The following POLI variants were observed in gnomAD, a reference collection of about 807,000 sequenced individuals.
POLI encodes the protein RAD30 homolog B.
Under a neutral mutation model 51.6 loss-of-function variants are expected in POLI, and 58 were observed. That is an observed-to-expected ratio of 1.12 (90% CI 0.91 to 1.40). POLI has a LOEUF of 1.40. Ranked by LOEUF, POLI falls within the 40% of genes most tolerant of loss-of-function variation. The pLI is 0.00. For missense variants in POLI, 921 were observed against 871.3 expected (o/e 1.06, Z -0.72); for synonymous variants, 322 against 299.7 (o/e 1.07, Z -0.77).
At position 54,296,635 on chromosome 18, in the gene POLI, C is replaced by G. The variant is rs2088344288; in HGVS notation, c.*2168C>G. The G allele has an allele frequency of 6.3e-6, 1 of 159,636 alleles. No individual in the cohort carries two copies. Among genetic ancestry groups the G allele is most frequent in the South Asian group, 2.0e-4 (1 of 4,948 alleles). 9.9% of individuals were successfully genotyped at this position (159,636 alleles called of 1,614,324 possible). On this transcript the variant is annotated 3_prime_UTR_variant, in exon 10 of 10. Coordinates refer to ENST00000579534, the MANE Select transcript of POLI (RefSeq NM_007195.3). Reference sequence around the variant, plus strand: ...GACTTTCTTACTGTATCCTTCATGTCTCTTAATTTCTCATATTTTTCATCC... The same window carrying G: ...GACTTTCTTACTGTATCCTTCATGTGTCTTAATTTCTCATATTTTTCATCC...
rs1347662468 is a variant in POLI at position 54,273,817 on chromosome 18, T to A, written c.242-109T>A. The A allele has an allele frequency of 7.0e-6, 4 of 574,724 alleles. No individual in the cohort carries two copies. The African/African-American group carries it at 7.8e-5, about 11-fold the overall frequency. The allele number at this position is 574,724 out of a possible 1,614,324, so 35.6% of individuals were successfully genotyped here. A position where few individuals can be genotyped will look rare whatever the true frequency, so the allele number is the denominator to read the frequency against. On this transcript the variant is annotated intron_variant, in intron 2 of 9. Coordinates refer to ENST00000579534, the MANE Select transcript of POLI (RefSeq NM_007195.3). ...TAATTGAGACAGGGCTTTTGATTCT[T>A]ATCAAAACTGATTGTCTTACAATTT...
At chr18:54,269,814 C>T (rs941548847) in intron 1 of POLI, 153 bp downstream of exon 1, 9 of 1,365,344 alleles carry the variant, frequency 6.6e-6, no homozygotes, top group African/African-American at 1.5e-5. Flanking sequence ...CCTTGTGTTA[C>T]GCGGCGGGTA....
rs763185207 is a variant in POLI at position 54,282,846 on chromosome 18, A to G, written c.806A>G (p.Tyr269Cys). The G allele has an allele frequency of 1.3e-6, 2 of 1,547,008 alleles. No individual in the cohort carries two copies. The highest frequency in any genetic ancestry group is 1.2e-5 in the South Asian group (1 of 83,390). Residue 269 changes from tyrosine (Y) to cysteine (C), a missense_variant, in exon 6 of 10, where the codon TAT (tyrosine) becomes TGT (cysteine). Transcript: ENST00000579534. ...NHIKEIPGIGYKTAKCLEALG... is the reference protein window; with the variant it reads ...NHIKEIPGIGCKTAKCLEALG... ...ATTTCTTTTTATTTAGGTATTGGCT[A>G]TAAAACTGCCAAATGTCTTGAAGCA...
At chr18:54,301,773 G>T (rs565470119), downstream of POLI, among the ~76,000 whole-genome samples, 1 of 152,292 alleles carries the variant, frequency 6.6e-6, no homozygotes, top group South Asian at 2.1e-4. Flanking sequence ...ACTTCAGGCA[G>T]TAAGCTAAGG....
At chr18:54,320,016 G>T (rs748274587) in intron 3 of POLI, among the ~76,000 whole-genome samples, 13 of 152,150 alleles carry the variant, frequency 8.5e-5, no homozygotes, top group Non-Finnish European at 1.6e-4. Flanking sequence ...TAAGAGTAAA[G>T]TCTAAATTGG....
rs2088776265 is a variant in POLI at position 54,320,282 on chromosome 18, C to T, written c.344C>T (p.Ser115Phe). Residue 115 changes from serine to phenylalanine, a missense_variant, in exon 4 of 5, where the codon TCC becomes TTC. Ser to Phe is a radical substitution (Grantham distance 155, BLOSUM62 -2). Transcript: ENST00000579823. The stretch of plus-strand genomic sequence containing the variant: ...CTTCTTCTTCCCACAGGTCTCCAGT[C>T]CCCAGATTTCTGTGCATCCTCTCTC... 3 of 152,090 alleles carry T rather than the reference C, an allele frequency of 2.0e-5. No homozygotes were observed. In the South Asian group the frequency reaches 6.2e-4, roughly 32 times the overall value. 9.4% of individuals were successfully genotyped at this position (152,090 alleles called of 1,614,324 possible). A position where few individuals can be genotyped will look rare whatever the true frequency, so the allele number is the denominator to read the frequency against.
intron 7 of POLI, among the ~76,000 whole-genome samples, chr18:54,286,142 G>T (rs939073063): frequency 3.3e-5 from 5 of 152,102 alleles, no homozygotes; most frequent in Non-Finnish European, 7.4e-5. Context: ...GGGATTACAG[G>T]TACGAGGCAC....
downstream of POLI, among the ~76,000 whole-genome samples, chr18:54,298,745 C>G (rs1280161053): frequency 6.6e-6 from 1 of 151,772 alleles, no homozygotes; most frequent in African/African-American, 2.4e-5. Flanking sequence ...CCTACCACCA[C>G]ACCCAGCTAA....
In POLI at chr18:54,297,792, C is replaced by G; in HGVS notation, c.*3325C>G. On this transcript the variant is annotated 3_prime_UTR_variant, in exon 10 of 10. Coordinates refer to ENST00000579534, the MANE Select transcript of POLI (RefSeq NM_007195.3). ...TAATTCTAATTAAATTCCACAAGTT[C>G]TTTATTAAATCTCCAAATTGGATAT... 2 of 959,088 alleles carry G rather than the reference C, an allele frequency of 2.1e-6. No individual in the cohort carries two copies. Among genetic ancestry groups the G allele is most frequent in the Non-Finnish European group, 2.5e-6 (2 of 805,966 alleles). The allele number at this position is 959,088 out of a possible 1,614,324, so 59.4% of individuals were successfully genotyped here.
At chr18:54,282,571 TC>T (rs916844503) in intron 5 of POLI, among the ~76,000 whole-genome samples, 5 of 152,116 alleles carry the variant, frequency 3.3e-5, no homozygotes, top group African/African-American at 1.2e-4. Flanking sequence ...TTATTGTTAA[TC>T]TCTTACTGTG....
At chr18:54,274,556 T>C (rs1256624443) in intron 3 of POLI, among the ~76,000 whole-genome samples, 3 of 151,788 alleles carry the variant, frequency 2.0e-5, no homozygotes, top group African/African-American at 7.2e-5. Flanking sequence ...ATTAATATTT[T>C]CTTAGGTTTT....
Position 54,294,194 on chromosome 18 carries a change from C to T in POLI, c.1950C>T (p.Asn650=), listed in dbSNP as rs1197772594. The T allele has an allele frequency of 4.3e-6, 7 of 1,613,114 alleles. No homozygotes were observed. In the South Asian group the frequency reaches 5.5e-5, roughly 13 times the overall value. ...EPQGFHFTNS[N]PAVSAFHSFP... is the part of the protein sequence containing the mutation. The stretch of plus-strand genomic sequence containing the variant: ...AAGGATTCCACTTTACAAATTCAAA[C>T]CCTGCTGTGTCTGCTTTTCATTCAT... The change falls in exon 10 of 10, where the codon AAC becomes AAT. Residue 650 remains asparagine (N), a synonymous_variant. Coordinates refer to ENST00000579534, the MANE Select transcript of POLI (RefSeq NM_007195.3).
In POLI at chr18:54,295,666, C is replaced by G. The variant is rs149707713; in HGVS notation, c.*1199C>G. The G allele has an allele frequency of 4.1e-3, 1,593 of 392,610 alleles. 13 individuals carry two copies. Among genetic ancestry groups the G allele is most frequent in the African/African-American group, 0.033 (1,485 of 45,682 alleles). 24.3% of individuals were successfully genotyped at this position (392,610 alleles called of 1,614,324 possible). A position where few individuals can be genotyped will look rare whatever the true frequency, so the allele number is the denominator to read the frequency against. On this transcript the variant is annotated 3_prime_UTR_variant, in exon 10 of 10. Coordinates refer to ENST00000579534, the MANE Select transcript of POLI (RefSeq NM_007195.3). ...TTTTGGAGACAGAGTCTCACTCTGT[C>G]GCCCAGGGTGGAGTACAGTGGCGCA...
chr18:54,305,155 G>T (rs1002832283), intron 3 of POLI, among the ~76,000 whole-genome samples: 5 of 152,234 alleles, frequency 3.3e-5, no homozygotes, highest in African/African-American at 4.8e-5. Context: ...TGCTGTTTTG[G>T]TTACTGTAGC....
chr18:54,316,708 A>G (rs998667285), intron 3 of POLI, among the ~76,000 whole-genome samples: 10 of 152,208 alleles, frequency 6.6e-5, no homozygotes, highest in African/African-American at 1.7e-4. Context: ...TGGAGTAACA[A>G]TGAGGAAACT....
chr18:54,310,444 G>A (rs948730539), intron 3 of POLI, among the ~76,000 whole-genome samples: 1 of 150,936 alleles, frequency 6.6e-6, no homozygotes, highest in Non-Finnish European at 1.5e-5. Flanking sequence ...AGGATAGTGT[G>A]GAATTCTCTC....
At chr18:54,290,137 A>C (rs2087935948) in intron 8 of POLI, among the ~76,000 whole-genome samples, 1 of 152,242 alleles carries the variant, frequency 6.6e-6, no homozygotes, top group Non-Finnish European at 1.5e-5. Flanking sequence ...TACAAGAAAA[A>C]AGCAAACAAC....
intron 3 of POLI, among the ~76,000 whole-genome samples, chr18:54,308,976 A>G (rs896865086): frequency 3.3e-5 from 5 of 152,118 alleles, no homozygotes; most frequent in Admixed American, 2.0e-4. Flanking sequence ...CTAGTTAGCC[A>G]TTCGTCTAAT....
chr18:54,279,748 T>C (rs942530722), intron 4 of POLI, among the ~76,000 whole-genome samples: 1 of 152,228 alleles, frequency 6.6e-6, no homozygotes, highest in Admixed American at 6.5e-5. Context: ...GTTTTACACC[T>C]AAAGCAAATT....
Sources: allele counts gnomAD v4.1 joint callset (sites outside exome capture counted in the v4.1 genomes callset), GRCh38; gene constraint gnomAD v4.1.1; transcripts MANE v1.5; gene names NCBI Gene and HGNC (gene_info 2026-07-23, HGNC 2026-07-21).